The following PDXDC1 variants were observed in gnomAD, a reference collection of about 807,000 sequenced individuals.
PDXDC1 encodes the protein pyridoxal dependent decarboxylase domain containing 1, also known as pyridoxal-dependent decarboxylase domain-containing protein 1.
A neutral mutation model predicts 100.1 loss-of-function variants in PDXDC1; 42 were observed. That is an observed-to-expected ratio of 0.42 (90% CI 0.33 to 0.54). PDXDC1 has a LOEUF of 0.54. Among genes scored for constraint, PDXDC1 ranks in the 20% least tolerant of loss-of-function variants. The probability of loss-of-function intolerance (pLI) is 0.10; values close to 1 mark genes in which losing one functional copy is unlikely to be tolerated. For missense variants in PDXDC1, 636 were observed against 979.2 expected (o/e 0.65, Z 4.68); for synonymous variants, 260 against 371.7 (o/e 0.70, Z 3.46).
At position 15,127,901 on chromosome 16, in the gene PDXDC1, G is replaced by A. The variant is rs199709925; in HGVS notation, c.1400-10978G>A. 2.3e-4 allele frequency: 347 copies of A among 1,491,158 alleles called. 1 individual carries two copies. Among genetic ancestry groups the A allele is most frequent in the Admixed American group, 7.7e-5 (4 of 52,002 alleles). 92.4% of individuals were successfully genotyped at this position (1,491,158 alleles called of 1,614,324 possible). On this transcript the variant is annotated intron_variant, in intron 16 of 16. Coordinates refer to the PDXDC1 transcript ENST00000535621. ...AAGCGCAACAGGGCTGCGTGACCTA[G>A]AAGGCAGGGAGGGCCGCACTGCAGG...
chr16:15,013,688 A>G (rs79031390), intron 8 of PDXDC1, among the ~76,000 whole-genome samples: 15,749 of 151,988 alleles, frequency 0.1, 924 homozygotes, highest in East Asian at 0.19. Flanking sequence ...CAGCCTGACC[A>G]ATGTGGTAAA....
intron 16 of PDXDC1, among the ~76,000 whole-genome samples, chr16:15,071,963 T>TACCC: frequency 6.6e-6 from 1 of 152,252 alleles, no homozygotes; most frequent in Middle Eastern, 3.4e-3. Flanking sequence ...CAAAGCACCT[T>TACCC]CCGGTCTCTG....
intron 1 of PDXDC1, among the ~76,000 whole-genome samples, chr16:14,979,901 T>G (rs1334237662): frequency 1.3e-5 from 2 of 152,290 alleles, no homozygotes; most frequent in African/African-American, 4.8e-5. Flanking sequence ...AATGACCAGT[T>G]TCCGTGTATG....
chr16:15,036,348 T>C lies in PDXDC1; in HGVS notation c.*73T>C. On this transcript the variant is annotated 3_prime_UTR_variant, in exon 23 of 23. Coordinates refer to ENST00000396410, the MANE Select transcript of PDXDC1 (RefSeq NM_015027.4). ...ATGAAGTTCTATTGGAAATGTGAAC[T>C]GTGCCACATACTAATATAAATTACT... The C allele has an allele frequency of 1.5e-6, 2 of 1,325,292 alleles. No homozygotes were observed. The highest frequency in any genetic ancestry group is 1.3e-5 in the South Asian group (1 of 74,240). 82.1% of individuals were successfully genotyped at this position (1,325,292 alleles called of 1,614,324 possible).
At chr16:15,041,573 A>G (rs1195317601), downstream of PDXDC1, 4 of 1,340,148 alleles carry the variant, frequency 3.0e-6, no homozygotes, top group Non-Finnish European at 3.2e-6. Flanking sequence ...CTGGGGACAA[A>G]ACGGTCCTGA....
At chr16:15,005,503 C>T (rs1361876065) in intron 5 of PDXDC1, among the ~76,000 whole-genome samples, 1 of 152,264 alleles carries the variant, frequency 6.6e-6, no homozygotes, top group South Asian at 2.1e-4. Flanking sequence ...TAACTTGAGA[C>T]ATTTATCTTG....
chr16:14,976,646 A>AG (rs1384079940), intron 1 of PDXDC1: 13 of 152,448 alleles, frequency 8.5e-5, no homozygotes, highest in Non-Finnish European at 1.6e-4. Context: ...TTATTTCCCC[A>AG]GGAGACATTT....
chr16:14,997,864 G>C lies in PDXDC1; in HGVS notation c.95+38G>C, dbSNP rs1419854123. The C allele has an allele frequency of 2.5e-6, 4 of 1,570,626 alleles. No individual in the cohort carries two copies. The East Asian group carries it at 9.5e-5, about 37-fold the overall frequency. On this transcript the variant is annotated intron_variant, in intron 2 of 22. Transcript: ENST00000396410. The stretch of plus-strand genomic sequence containing the variant: ...GAGGTGACCCTGTTCAACGAGTTCA[G>C]CCTGCTGTGAAGCCAGTGGCTCTGG...
chr16:15,058,297 A>AAAAAAG (rs532430347), intron 16 of PDXDC1, among the ~76,000 whole-genome samples: 4 of 152,114 alleles, frequency 2.6e-5, no homozygotes, highest in Non-Finnish European at 4.4e-5. Context: ...CGTCTCAAAA[A>AAAAAAG]AAAAAGAAAA....
At chr16:15,137,762 C>G (rs1364019887) in intron 16 of PDXDC1, 9 of 1,547,224 alleles carry the variant, frequency 5.8e-6, no homozygotes, top group Non-Finnish European at 7.8e-6. Context: ...ACCACAGCCA[C>G]TGTCCAGCAA....
At chr16:15,033,099 A>G (rs1021539995) in intron 18 of PDXDC1, 120 bp downstream of exon 18, 12 of 962,542 alleles carry the variant, frequency 1.2e-5, no homozygotes, top group African/African-American at 1.6e-5. Context: ...CCAGGCGAAG[A>G]TGCGGTTCTG....
intron 16 of PDXDC1, among the ~76,000 whole-genome samples, chr16:15,095,168 TCAGC>T (rs1257211238): frequency 1.3e-5 from 2 of 151,428 alleles, no homozygotes; most frequent in Non-Finnish European, 2.9e-5. Flanking sequence ...GGAACAGGAG[TCAGC>T]CAGACCAACA....
intron 5 of PDXDC1, among the ~76,000 whole-genome samples, chr16:15,004,768 A>G (rs1973905720): frequency 6.6e-6 from 1 of 152,252 alleles, no homozygotes; most frequent in Admixed American, 6.5e-5. Flanking sequence ...CAAATCCCTT[A>G]TATAAAATAG....
intron 16 of PDXDC1, chr16:15,127,803 CCGGT>C (rs1405192220): frequency 1.3e-6 from 2 of 1,560,966 alleles, no homozygotes; most frequent in Admixed American, 3.8e-5. Context: ...TACGAGGCGG[CCGGT>C]CCCATATGGA....
chr16:14,987,354 C>T (rs1358152302), intron 1 of PDXDC1, among the ~76,000 whole-genome samples: 1 of 152,272 alleles, frequency 6.6e-6, no homozygotes, highest in Non-Finnish European at 1.5e-5. Flanking sequence ...GAGCACTGGT[C>T]CTAGAATTTT....
In PDXDC1 at chr16:14,981,518, G is replaced by A. The variant is rs1431740814; in HGVS notation, c.21+6298G>A. Among the ~76,000 whole-genome samples, 5 of 152,298 alleles carry A rather than the reference G, an allele frequency of 3.3e-5. No homozygotes were observed. In the South Asian group the frequency reaches 8.3e-4, roughly 25 times the overall value. On this transcript the variant is annotated intron_variant, in intron 1 of 22. Coordinates refer to ENST00000396410, the MANE Select transcript of PDXDC1 (RefSeq NM_015027.4). ...TCTTTTTGTTCCAGAATAAAGGTGT[G>A]ATTCCAGGTAAACAGTAAAGTTTTT...
intron 16 of PDXDC1, among the ~76,000 whole-genome samples, chr16:15,097,468 C>CAAAAAAA (rs71152407): frequency 1.5e-5 from 1 of 65,850 alleles, no homozygotes; most frequent in Non-Finnish European, 2.6e-5. Context: ...ACTAAAAATA[C>CAAAAAAA]AAAAAAAAAA....
intron 12 of PDXDC1, among the ~76,000 whole-genome samples, chr16:15,020,608 G>A (rs1193576088): frequency 6.6e-6 from 1 of 152,012 alleles, no homozygotes; most frequent in Admixed American, 6.6e-5. Flanking sequence ...AGAATGGCGT[G>A]AACCCAGAAG....
At chr16:15,047,261 C>G (rs1436663974) in intron 16 of PDXDC1, 5 of 600,530 alleles carry the variant, frequency 8.3e-6, no homozygotes, top group Non-Finnish European at 1.5e-5. Flanking sequence ...TGCCCAGCAC[C>G]CACTCATTCA....
Sources: allele counts gnomAD v4.1 joint callset (sites outside exome capture counted in the v4.1 genomes callset), GRCh38; gene constraint gnomAD v4.1.1; transcripts MANE v1.5; gene names NCBI Gene and HGNC (gene_info 2026-07-23, HGNC 2026-07-21).